IGF1: variants seen among roughly 807,000 people sequenced by gnomAD.
The protein encoded by IGF1 is insulin like growth factor 1, also known as insulin-like growth factor 1.
In IGF1, 4 loss-of-function variants were observed where a neutral mutation model predicts 13.8. That is an observed-to-expected ratio of 0.29 (90% CI 0.14 to 0.66). The LOEUF (loss-of-function observed/expected upper bound fraction) is 0.66. Among genes scored for constraint, IGF1 ranks in the 30% least tolerant of loss-of-function variants. The probability of loss-of-function intolerance (pLI) is 0.78; values close to 1 mark genes in which losing one functional copy is unlikely to be tolerated. For synonymous variants in IGF1, 76 were observed against 72.6 expected (o/e 1.05, Z -0.23); for missense variants, 124 against 188.5 (o/e 0.66, Z 2.00).
chr12:102,413,487 C>T (rs1056679333), intron 3 of IGF1, among the ~76,000 whole-genome samples: 3 of 152,126 alleles, frequency 2.0e-5, no homozygotes, highest in Non-Finnish European at 4.4e-5. Context: ...ATTTCTTTGC[C>T]TCCTTTTCCA....
At chr12:102,453,736 G>A (rs1879151453) in intron 2 of IGF1, among the ~76,000 whole-genome samples, 1 of 152,202 alleles carries the variant, frequency 6.6e-6, no homozygotes, top group Non-Finnish European at 1.5e-5. Flanking sequence ...AAGAATAAAT[G>A]TATGCTCTAT....
chr12:102,401,122 AC>A lies in IGF1; in HGVS notation c.*1384del, dbSNP rs1873649069. ...AGCAACTCAAGCGCCCTGATGTTGC[AC>A]CCTTACAGCAACCCAGGGTAAAAAA... is the stretch of plus-strand genomic sequence containing the variant. On this transcript the variant is annotated 3_prime_UTR_variant, in exon 4 of 4. Coordinates refer to ENST00000337514, the MANE Select transcript of IGF1 (RefSeq NM_000618.5). 1 of 152,208 alleles carries A rather than the reference AC, an allele frequency of 6.6e-6. No homozygotes were observed. Among genetic ancestry groups the A allele is most frequent in the African/African-American group, 2.4e-5 (1 of 41,434 alleles). 9.4% of individuals were successfully genotyped at this position (152,208 alleles called of 1,614,324 possible).
At chr12:102,442,552 A>G (rs908199523) in intron 2 of IGF1, among the ~76,000 whole-genome samples, 2 of 152,114 alleles carry the variant, frequency 1.3e-5, no homozygotes, top group Non-Finnish European at 2.9e-5. Context: ...CTCAACCCCT[A>G]TGATTTCAGG....
Position 102,478,468 on chromosome 12 carries a change from G to A in IGF1, c.63+1851C>T, listed in dbSNP as rs749818431. On this transcript the variant is annotated intron_variant, in intron 1 of 3. Transcript: ENST00000337514. ...TGCCCTGTAAAATTTGAGGGCAACA[G>A]TCATAAGAAAATACTCACTGTAGGT... is the stretch of plus-strand genomic sequence containing the variant. 40 of 1,581,744 alleles carry A rather than the reference G, an allele frequency of 2.5e-5. 1 individual carries two copies. The South Asian group carries it at 4.7e-4, about 18-fold the overall frequency.
At chr12:102,408,240 T>C (rs1874336847) in intron 3 of IGF1, among the ~76,000 whole-genome samples, 2 of 152,196 alleles carry the variant, frequency 1.3e-5, no homozygotes, top group African/African-American at 4.8e-5. Flanking sequence ...GGATGTGCTA[T>C]AGCAATTTTG....
chr12:102,452,055 G>T (rs1172384529), intron 2 of IGF1, among the ~76,000 whole-genome samples: 2 of 151,966 alleles, frequency 1.3e-5, no homozygotes, highest in African/African-American at 2.4e-5. Context: ...GAGGTTAGAA[G>T]ATCAAGACCA....
intron 1 of IGF1, among the ~76,000 whole-genome samples, 172 bp downstream of exon 1, chr12:102,480,146 TC>T (rs909420919): frequency 6.6e-6 from 1 of 152,134 alleles, no homozygotes; most frequent in Non-Finnish European, 1.5e-5. Context: ...AATGCATCCA[TC>T]TCCCCGAGCT....
At chr12:102,466,717 C>G (rs1238235000) in intron 2 of IGF1, among the ~76,000 whole-genome samples, 1 of 152,062 alleles carries the variant, frequency 6.6e-6, no homozygotes, top group Admixed American at 6.6e-5. Context: ...GCATGGGCAA[C>G]ATGGTAAAAC....
rs768360418 is a variant in IGF1 at position 102,480,403 on chromosome 12, G to A, written c.-22C>T. ...CCATTGCTTCTGAAGTACAAAGTCT[G>A]AAAATGAATTGGTTAGCAGGAATAA... On this transcript the variant is annotated 5_prime_UTR_variant, in exon 1 of 4. Transcript: ENST00000337514. 1 of 1,613,222 alleles carries A rather than the reference G, an allele frequency of 6.2e-7. No homozygotes were observed. The highest frequency in any genetic ancestry group is 2.2e-5 in the East Asian group (1 of 44,852).
chr12:102,415,032 G>A (rs943000148), intron 3 of IGF1, among the ~76,000 whole-genome samples: 2 of 152,184 alleles, frequency 1.3e-5, no homozygotes, highest in Non-Finnish European at 2.9e-5. Flanking sequence ...GTAGCAATAG[G>A]TCCTTGAACA....
Position 102,401,727 on chromosome 12 carries a change from C to T in IGF1, c.*780G>A, listed in dbSNP as rs1301753799. 1 of 152,606 alleles carries T rather than the reference C, an allele frequency of 6.6e-6. No homozygotes were observed. Among genetic ancestry groups the T allele is most frequent in the African/African-American group, 2.4e-5 (1 of 41,414 alleles). The allele number at this position is 152,606 out of a possible 1,614,324, so 9.5% of individuals were successfully genotyped here. On this transcript the variant is annotated 3_prime_UTR_variant, in exon 4 of 4. Coordinates refer to ENST00000337514, the MANE Select transcript of IGF1 (RefSeq NM_000618.5). ...GAGGAAAGTTACTAATTAGGTTGCA[C>T]ATTAACTCATCATTTGAAGGAACTC...
At chr12:102,419,426 G>A in intron 3 of IGF1, 83 bp downstream of exon 3, 1 of 1,355,430 alleles carries the variant, frequency 7.4e-7, no homozygotes, top group Non-Finnish European at 1.0e-6. Context: ...GGAGACTATG[G>A]GGCAGGATTT....
At chr12:102,438,384 T>C (rs940152113) in intron 2 of IGF1, among the ~76,000 whole-genome samples, 3 of 151,974 alleles carry the variant, frequency 2.0e-5, no homozygotes, top group Non-Finnish European at 2.9e-5. Context: ...CACCAAAGAG[T>C]TGTTCAAGAA....
rs1555235515 is a variant in IGF1, at chr12:102,399,131, G to GTC, written c.*3375_*3376insGA. On this transcript the variant is annotated 3_prime_UTR_variant, in exon 4 of 4. Transcript: ENST00000337514. ...AATGTGTGTGTGTGTGTGTGTGTGT[G>GTC]TGTGTGTGTGTGTGTCTGTGTATGT... The GTC allele has an allele frequency of 6.6e-6, 1 of 152,562 alleles. No individual in the cohort carries two copies. The highest frequency in any genetic ancestry group is 1.5e-5 in the Non-Finnish European group (1 of 68,324). The allele number at this position is 152,562 out of a possible 1,614,324, so 9.5% of individuals were successfully genotyped here.
intron 3 of IGF1, among the ~76,000 whole-genome samples, chr12:102,406,162 G>T (rs1429889639): frequency 6.6e-6 from 1 of 152,184 alleles, no homozygotes; most frequent in African/African-American, 2.4e-5. Flanking sequence ...TCTCTTCCCA[G>T]GCTGTCACAT....
Position 102,427,806 on chromosome 12 carries a change from C to CGACAG in IGF1, c.221-8121_221-8117dup, listed in dbSNP as rs1429376813. On this transcript the variant is annotated intron_variant, in intron 2 of 3. Coordinates refer to ENST00000337514, the MANE Select transcript of IGF1 (RefSeq NM_000618.5). ...CAGAGAAGGGAGCAGCCAGAGTCAG[C>CGACAG]GACAGATTGAACACAGGAGAGAGGG... is the stretch of plus-strand genomic sequence containing the variant. Among the ~76,000 whole-genome samples the CGACAG allele has an allele frequency of 2.0e-5, 3 of 152,010 alleles. No homozygotes were observed. In the East Asian group the frequency reaches 5.8e-4, roughly 29 times the overall value.
intron 2 of IGF1, among the ~76,000 whole-genome samples, chr12:102,452,733 A>G (rs953147659): frequency 7.2e-5 from 11 of 152,210 alleles, no homozygotes; most frequent in Non-Finnish European, 1.5e-5. Flanking sequence ...CTTATTGGCT[A>G]ACTGCACCTA....
chr12:102,444,506 T>G (rs1340491901), intron 2 of IGF1, among the ~76,000 whole-genome samples: 1 of 152,046 alleles, frequency 6.6e-6, no homozygotes, highest in African/African-American at 2.4e-5. Context: ...ATTGATGTAT[T>G]TACGCGTAAG....
Position 102,397,197 on chromosome 12 carries a change from A to T in IGF1, c.*5310T>A. On this transcript the variant is annotated 3_prime_UTR_variant, in exon 4 of 4. Transcript: ENST00000337514. The stretch of plus-strand genomic sequence containing the variant: ...AGCCTGGGGGACAGTGCGAGACCCC[A>T]TCTCACAAAAAGGAAAAAAAAAAAG... 4.8e-6 allele frequency: 1 copy of T among 210,172 alleles called. No homozygotes were observed. The highest frequency in any genetic ancestry group is 9.4e-6 in the Non-Finnish European group (1 of 106,914). The allele number at this position is 210,172 out of a possible 1,614,324, so 13.0% of individuals were successfully genotyped here. A position where few individuals can be genotyped will look rare whatever the true frequency, so the allele number is the denominator to read the frequency against.
Sources: gnomAD v4.1 joint callset for allele counts (sites outside exome capture counted in the v4.1 genomes callset) on GRCh38, gnomAD v4.1.1 for gene constraint, MANE v1.5 for transcripts, NCBI Gene and HGNC (gene_info 2026-07-23, HGNC 2026-07-21) for gene names.